The following IMMP2L variants were observed in gnomAD, a reference collection of about 807,000 sequenced individuals.
IMMP2L encodes mitochondrial inner membrane protease subunit 2.
Under a neutral mutation model 19.3 loss-of-function variants are expected in IMMP2L, and 18 were observed. That is an observed-to-expected ratio of 0.93 (90% CI 0.64 to 1.38). IMMP2L has a LOEUF of 1.38. IMMP2L is among the 40% of genes most tolerant of loss of function. The pLI, the probability that IMMP2L is intolerant of heterozygous loss-of-function variation, is 0.00. For missense variants in IMMP2L, 233 were observed against 218.2 expected (o/e 1.07, Z -0.43); for synonymous variants, 76 against 73.0 (o/e 1.04, Z -0.21).
At chr7:110,999,660 T>A (rs575186214) in intron 3 of IMMP2L, among the ~76,000 whole-genome samples, 1 of 152,036 alleles carries the variant, frequency 6.6e-6, no homozygotes, top group Non-Finnish European at 1.5e-5. Context: ...TTACTCTTTC[T>A]GCTGGGATCA....
chr7:111,216,610 C>G (rs980173409), intron 3 of IMMP2L, among the ~76,000 whole-genome samples: 2 of 152,062 alleles, frequency 1.3e-5, no homozygotes, highest in Admixed American at 6.6e-5. Flanking sequence ...ATTCACCACA[C>G]TGTGCAATAG....
intron 5 of IMMP2L, among the ~76,000 whole-genome samples, chr7:110,823,525 C>A (rs1387580867): frequency 6.6e-6 from 1 of 151,834 alleles, no homozygotes; most frequent in Non-Finnish European, 1.5e-5. Flanking sequence ...AAAGTTTATC[C>A]TAAAGACAAG....
chr7:111,559,123 A>G (rs1007063862), intron 1 of IMMP2L, among the ~76,000 whole-genome samples: 3 of 152,192 alleles, frequency 2.0e-5, no homozygotes, highest in African/African-American at 7.2e-5. Flanking sequence ...GAAATGCCAC[A>G]AACTATAGCA....
Position 110,900,493 on chromosome 7 carries a change from T to C in IMMP2L, c.306-13798A>G, listed in dbSNP as rs1425897303. Among the ~76,000 whole-genome samples, 5 of 152,212 alleles carry C rather than the reference T, an allele frequency of 3.3e-5. No individual in the cohort carries two copies. The South Asian group carries it at 8.3e-4, about 25-fold the overall frequency. On this transcript the variant is annotated intron_variant, in intron 4 of 5. Transcript: ENST00000405709. ...GCAGTCACCTCCTCACTAGTTTTCATGTCTCTCTTCTCCTCCATCTTTAGT... is the reference window on the plus strand; with the variant it reads ...GCAGTCACCTCCTCACTAGTTTTCACGTCTCTCTTCTCCTCCATCTTTAGT...
At chr7:111,547,404 T>C (rs1849025669) in intron 1 of IMMP2L, among the ~76,000 whole-genome samples, 1 of 152,064 alleles carries the variant, frequency 6.6e-6, no homozygotes, top group African/African-American at 2.4e-5. Flanking sequence ...GATTCTCACT[T>C]TATCATAAAA....
intron 2 of IMMP2L, among the ~76,000 whole-genome samples, chr7:111,509,931 C>T (rs1359720659): frequency 6.6e-6 from 1 of 152,084 alleles, no homozygotes; most frequent in African/African-American, 2.4e-5. Context: ...TCCAGCATCC[C>T]TCTGAACTAG....
chr7:111,186,524 G>A (rs373046654), intron 3 of IMMP2L, among the ~76,000 whole-genome samples: 1 of 151,994 alleles, frequency 6.6e-6, no homozygotes, highest in Admixed American at 6.6e-5. Context: ...GGGTTCAAGG[G>A]TTCCAGCGAT....
intron 3 of IMMP2L, among the ~76,000 whole-genome samples, chr7:110,992,576 T>TA (rs1327807819): frequency 2.0e-5 from 3 of 151,734 alleles, no homozygotes; most frequent in Admixed American, 6.6e-5. Context: ...ATTACTTTCT[T>TA]AAAAAATACC....
chr7:111,367,765 T>G (rs1829912591), intron 3 of IMMP2L, among the ~76,000 whole-genome samples: 1 of 151,928 alleles, frequency 6.6e-6, no homozygotes, highest in East Asian at 1.9e-4. Context: ...ACCTCATACT[T>G]GTAAACAACA....
chr7:110,714,306 C>G (rs1795097344), intron 5 of IMMP2L, among the ~76,000 whole-genome samples: 1 of 152,118 alleles, frequency 6.6e-6, no homozygotes, highest in South Asian at 2.1e-4. Flanking sequence ...CTTTTTGATA[C>G]ACTGTTGGAT....
intron 3 of IMMP2L, among the ~76,000 whole-genome samples, chr7:111,184,946 C>A (rs1808105863): frequency 6.6e-6 from 1 of 152,082 alleles, no homozygotes; most frequent in Non-Finnish European, 1.5e-5. Flanking sequence ...CAATAAATAT[C>A]CTGCTAATAA....
At chr7:111,492,776 G>C (rs987028603) in intron 2 of IMMP2L, among the ~76,000 whole-genome samples, 1 of 152,162 alleles carries the variant, frequency 6.6e-6, no homozygotes, top group African/African-American at 2.4e-5. Context: ...GTAAGTATTA[G>C]AATCAACAGT....
chr7:111,136,176 C>T (rs368235204), intron 3 of IMMP2L, among the ~76,000 whole-genome samples: 1 of 151,900 alleles, frequency 6.6e-6, no homozygotes, highest in Non-Finnish European at 1.5e-5. Flanking sequence ...TACAGGCACC[C>T]GCCACCATGC....
intron 5 of IMMP2L, among the ~76,000 whole-genome samples, chr7:110,766,130 TA>T (rs1245550178): frequency 6.6e-6 from 1 of 152,210 alleles, no homozygotes; most frequent in Non-Finnish European, 1.5e-5. Context: ...TTGAGTTATC[TA>T]CAAATAGAAT....
intron 3 of IMMP2L, among the ~76,000 whole-genome samples, chr7:110,997,925 A>T (rs1823215535): frequency 6.6e-6 from 1 of 152,146 alleles, no homozygotes; most frequent in Non-Finnish European, 1.5e-5. Flanking sequence ...TGGTGTGAAT[A>T]AAACTAGTTT....
In IMMP2L at chr7:110,914,947, T is replaced by C. The variant is rs531049717; in HGVS notation, c.306-28252A>G. Among the ~76,000 whole-genome samples the C allele has an allele frequency of 3.3e-5, 5 of 152,148 alleles. No homozygotes were observed. The East Asian group carries it at 9.7e-4, about 29-fold the overall frequency. On this transcript the variant is annotated intron_variant, in intron 4 of 5. Coordinates refer to ENST00000405709, the MANE Select transcript of IMMP2L (RefSeq NM_032549.4). ...TATCAAAGACAAAAGATAACAAGTG[T>C]TGGTGATGGTGAGGAGAAAAGGGAA...
At chr7:111,124,865 C>T (rs1801110994) in intron 3 of IMMP2L, 1 of 1,603,712 alleles carries the variant, frequency 6.2e-7, no homozygotes, top group Non-Finnish European at 8.5e-7. Context: ...AAAGTAAAAG[C>T]AACTGTTATA....
intron 3 of IMMP2L, among the ~76,000 whole-genome samples, chr7:111,236,306 G>C (rs959717754): frequency 2.6e-5 from 4 of 152,034 alleles, no homozygotes; most frequent in Non-Finnish European, 2.9e-5. Flanking sequence ...CTTTGTTTGA[G>C]AAAACAGTTA....
chr7:111,141,208 C>T (rs1158238254), intron 3 of IMMP2L, among the ~76,000 whole-genome samples: 1 of 151,918 alleles, frequency 6.6e-6, no homozygotes, highest in Non-Finnish European at 1.5e-5. Flanking sequence ...CACCAAATTC[C>T]ATACTTATAA....
Sources: gnomAD v4.1 joint callset for allele counts (sites outside exome capture counted in the v4.1 genomes callset) on GRCh38, gnomAD v4.1.1 for gene constraint, MANE v1.5 for transcripts, NCBI Gene and HGNC (gene_info 2026-07-23, HGNC 2026-07-21) for gene names.